The following ADCY9 variants were observed in gnomAD, a reference collection of about 807,000 sequenced individuals.
The protein encoded by ADCY9 is adenylate cyclase 9.
Under a neutral mutation model 101.5 loss-of-function variants are expected in ADCY9, and 50 were observed. The ratio of observed to expected loss-of-function variants is 0.49; its 90% confidence interval spans 0.39 to 0.62. The LOEUF is 0.62. Among genes scored for constraint, ADCY9 ranks in the 20% least tolerant of loss-of-function variants. The pLI is 0.00. For missense variants in ADCY9, 1,662 were observed against 1,800.4 expected (o/e 0.92, Z 1.39); for synonymous variants, 905 against 769.3 (o/e 1.18, Z -2.92).
At chr16:4,072,082 C>T (rs1044959389) in intron 2 of ADCY9, among the ~76,000 whole-genome samples, 3 of 152,166 alleles carry the variant, frequency 2.0e-5, no homozygotes, top group Non-Finnish European at 4.4e-5. Context: ...AGACTGAAGA[C>T]GATTTAAAAG....
At chr16:4,060,077 T>C (rs1225643708) in intron 2 of ADCY9, among the ~76,000 whole-genome samples, 1 of 152,146 alleles carries the variant, frequency 6.6e-6, no homozygotes, top group Non-Finnish European at 1.5e-5. Context: ...AGGGGTTGAC[T>C]TGATTTGGAG....
chr16:4,099,554 T>C (rs886286044), intron 2 of ADCY9, among the ~76,000 whole-genome samples: 1 of 152,188 alleles, frequency 6.6e-6, no homozygotes, highest in African/African-American at 2.4e-5. Context: ...AAAAGGTTAC[T>C]AAAAGGGTAT....
chr16:3,957,258 C>T (rs1380240350), intron 5 of ADCY9, among the ~76,000 whole-genome samples: 1 of 152,210 alleles, frequency 6.6e-6, no homozygotes, highest in Non-Finnish European at 1.5e-5. Flanking sequence ...AACAGAAAAG[C>T]CTTCTGCCAA....
At chr16:4,056,883 A>C (rs865909098) in intron 2 of ADCY9, among the ~76,000 whole-genome samples, 3 of 152,150 alleles carry the variant, frequency 2.0e-5, no homozygotes, top group African/African-American at 4.8e-5. Context: ...CTGTCTCAAG[A>C]CAGTGACCAT....
chr16:4,058,951 T>C (rs909879864), intron 2 of ADCY9, among the ~76,000 whole-genome samples: 1 of 152,140 alleles, frequency 6.6e-6, no homozygotes, highest in Non-Finnish European at 1.5e-5. Flanking sequence ...TAAAGAAAGA[T>C]GATTAAAGCT....
chr16:4,021,809 A>C (rs1448687350), intron 2 of ADCY9, among the ~76,000 whole-genome samples: 1 of 152,102 alleles, frequency 6.6e-6, no homozygotes, highest in Non-Finnish European at 1.5e-5. Context: ...ACCAGACTCC[A>C]CTTCATCAGA....
At chr16:3,981,429 G>A (rs1035806342) in intron 7 of ADCY9, among the ~76,000 whole-genome samples, 3 of 152,176 alleles carry the variant, frequency 2.0e-5, no homozygotes, top group African/African-American at 7.2e-5. Flanking sequence ...GGCAGACCTG[G>A]GGGAGTGACT....
chr16:4,081,312 C>G (rs565151135), intron 2 of ADCY9, among the ~76,000 whole-genome samples: 1 of 152,334 alleles, frequency 6.6e-6, no homozygotes, highest in African/African-American at 2.4e-5. Context: ...AAGCCATCTC[C>G]ACCTCCTGCT....
downstream of ADCY9, among the ~76,000 whole-genome samples, chr16:3,958,606 G>A (rs988248755): frequency 3.4e-5 from 5 of 148,652 alleles, no homozygotes; most frequent in Non-Finnish European, 5.9e-5. Context: ...GCTGCCATGA[G>A]CTCCTTCATC....
intron 2 of ADCY9, among the ~76,000 whole-genome samples, chr16:4,020,371 G>A (rs1597170094): frequency 6.6e-6 from 1 of 152,100 alleles, no homozygotes. Context: ...TTAAATAAAC[G>A]TGAAGTCATA....
intron 10 of ADCY9, among the ~76,000 whole-genome samples, chr16:3,972,401 T>C (rs1410491664): frequency 6.6e-6 from 1 of 152,002 alleles, no homozygotes; most frequent in Non-Finnish European, 1.5e-5. Context: ...AGCTAATTTT[T>C]GTATTTTTAG....
intron 2 of ADCY9, among the ~76,000 whole-genome samples, chr16:4,084,314 G>A (rs911013318): frequency 6.6e-6 from 1 of 151,898 alleles, no homozygotes; most frequent in African/African-American, 2.4e-5. Context: ...GTTTTACCAT[G>A]TTGGCCAGGC....
intron 3 of ADCY9, among the ~76,000 whole-genome samples, chr16:3,998,698 A>G (rs2056306353): frequency 1.5e-5 from 2 of 134,308 alleles, no homozygotes; most frequent in Non-Finnish European, 3.2e-5. Flanking sequence ...AAAAGAGCAA[A>G]ACTCTGTCTC....
At chr16:4,008,295 G>A (rs1413677436) in intron 2 of ADCY9, among the ~76,000 whole-genome samples, 4 of 152,208 alleles carry the variant, frequency 2.6e-5, no homozygotes, top group Non-Finnish European at 4.4e-5. Flanking sequence ...CCCACACTGC[G>A]CTGGAAGGAG....
At chr16:4,047,055 T>A (rs780560740) in intron 2 of ADCY9, among the ~76,000 whole-genome samples, 1 of 152,024 alleles carries the variant, frequency 6.6e-6, no homozygotes. Context: ...CAAAAAAGAT[T>A]TGTACATAAG....
chr16:4,015,604 G>A (rs928667686), intron 2 of ADCY9: 14 of 152,122 alleles, frequency 9.2e-5, no homozygotes, highest in African/African-American at 3.4e-4. Context: ...AAATAAATAG[G>A]TTAAAAAAGA....
At chr16:3,985,432 G>A (rs1027985521) in intron 6 of ADCY9, among the ~76,000 whole-genome samples, 2 of 152,110 alleles carry the variant, frequency 1.3e-5, no homozygotes, top group Non-Finnish European at 2.9e-5. Context: ...CACTGTACCC[G>A]GCCAGGTGTA....
chr16:4,039,777 G>A (rs2056614562), intron 2 of ADCY9, among the ~76,000 whole-genome samples: 1 of 151,162 alleles, frequency 6.6e-6, no homozygotes, highest in Non-Finnish European at 1.5e-5. Flanking sequence ...AGGGACTCAC[G>A]CCTGTAATCC....
At chr16:4,065,290 T>C (rs1369911603) in intron 2 of ADCY9, among the ~76,000 whole-genome samples, 1 of 152,230 alleles carries the variant, frequency 6.6e-6, no homozygotes, top group Non-Finnish European at 1.5e-5. Flanking sequence ...TGCATGCTCC[T>C]TTCACTTTCA....
Sources: allele counts gnomAD v4.1 joint callset (sites outside exome capture counted in the v4.1 genomes callset), GRCh38; gene constraint gnomAD v4.1.1; transcripts MANE v1.5; gene names NCBI Gene and HGNC (gene_info 2026-07-23, HGNC 2026-07-21).